AVEN: variants seen among roughly 807,000 people sequenced by gnomAD.
AVEN encodes apoptosis and caspase activation inhibitor.
AVEN carries 41 observed loss-of-function variants against 38.1 expected under a neutral mutation model. That is an observed-to-expected ratio of 1.08 (90% CI 0.84 to 1.40). The LOEUF is 1.40. Among genes scored for constraint, AVEN ranks in the 40% most tolerant of loss-of-function variants. The pLI is 0.00. For synonymous variants in AVEN, 206 were observed against 171.8 expected, an observed-to-expected ratio of 1.20 and a Z score of -1.56; for missense variants, 605 against 438.8, an observed-to-expected ratio of 1.38 and a Z score of -3.38.
At chr15:33,934,449 A>C (rs1449019508) in intron 2 of AVEN, among the ~76,000 whole-genome samples, 1 of 152,256 alleles carries the variant, frequency 6.6e-6, no homozygotes, top group Admixed American at 6.5e-5. Flanking sequence ...GAGGGGAAAT[A>C]TCACACAAAG....
At chr15:33,864,812 G>C (rs1009408306), downstream of AVEN, 1 of 264,096 alleles carries the variant, frequency 3.8e-6, no homozygotes, top group East Asian at 7.4e-5. Context: ...GCATTCCTCC[G>C]TCTTCCACCA....
chr15:33,996,541 G>T (rs186546645), intron 2 of AVEN, among the ~76,000 whole-genome samples: 2 of 152,190 alleles, frequency 1.3e-5, no homozygotes, highest in African/African-American at 2.4e-5. Flanking sequence ...TGCAGCCTCC[G>T]CTGGTGATAC....
downstream of AVEN, chr15:33,854,431 A>G (rs1323020118): frequency 6.3e-6 from 10 of 1,575,298 alleles, no homozygotes; most frequent in Non-Finnish European, 8.6e-6. Context: ...GGAAGCTTGG[A>G]GTTGTTTTTA....
rs565163870 is a variant in AVEN, at chr15:33,944,728, G to C, written c.445+58304C>G. ...GGAGGCTGAGGCAGGAGAATGGCATGAACTCGGGAGGCGGAACTTGCAGTG... is the reference window on the plus strand; with the variant it reads ...GGAGGCTGAGGCAGGAGAATGGCATCAACTCGGGAGGCGGAACTTGCAGTG... On this transcript the variant is annotated intron_variant, in intron 2 of 5. Transcript: ENST00000306730. Among the ~76,000 whole-genome samples, 16 of 151,966 alleles carry C rather than the reference G, an allele frequency of 1.1e-4. 2 individuals carry two copies. The South Asian group carries it at 3.3e-3, about 32-fold the overall frequency.
At chr15:33,867,973 G>C (rs1890750144) in intron 4 of AVEN, 118 bp from the exon 5 acceptor site, 1 of 1,365,702 alleles carries the variant, frequency 7.3e-7, no homozygotes, top group Admixed American at 2.6e-5. Flanking sequence ...ACTCAATTCA[G>C]ATAGTTCACA....
At chr15:34,037,651 CACGAGGTAAA>C (rs1899209878) in intron 1 of AVEN, among the ~76,000 whole-genome samples, 1 of 151,212 alleles carries the variant, frequency 6.6e-6, no homozygotes, top group Admixed American at 6.6e-5. Context: ...TGTCAGTTTA[CACGAGGTAAA>C]CTGACCCTAA....
chr15:33,911,391 GC>G (rs1234328121), intron 2 of AVEN, among the ~76,000 whole-genome samples: 1 of 152,066 alleles, frequency 6.6e-6, no homozygotes, highest in Non-Finnish European at 1.5e-5. Context: ...TTTGTTCCCT[GC>G]CCCCCTCCTT....
intron 2 of AVEN, among the ~76,000 whole-genome samples, chr15:33,882,952 C>T (rs1342370050): frequency 1.3e-5 from 2 of 152,168 alleles, no homozygotes; most frequent in Non-Finnish European, 2.9e-5. Flanking sequence ...CAATCTTACA[C>T]ATGCTTCTGA....
chr15:34,068,636 T>C, intron 2 of AVEN, among the ~76,000 whole-genome samples: 1 of 152,324 alleles, frequency 6.6e-6, no homozygotes, highest in East Asian at 1.9e-4. Context: ...ATTTTACTAG[T>C]TTTTCTATTT....
chr15:34,006,412 T>C (rs930731426), intron 1 of AVEN, among the ~76,000 whole-genome samples: 3 of 152,202 alleles, frequency 2.0e-5, no homozygotes, highest in African/African-American at 4.8e-5. Flanking sequence ...AATATTCTTT[T>C]GTTGGCCCAT....
At chr15:34,026,200 A>G (rs1374324246) in intron 1 of AVEN, among the ~76,000 whole-genome samples, 3 of 152,134 alleles carry the variant, frequency 2.0e-5, no homozygotes, top group Admixed American at 6.5e-5. Context: ...TTTTTACTTA[A>G]AAGTCTTATG....
intron 2 of AVEN, among the ~76,000 whole-genome samples, chr15:33,992,521 T>G (rs573381482): frequency 1.7e-4 from 26 of 152,392 alleles, no homozygotes; most frequent in Non-Finnish European, 3.1e-4. Flanking sequence ...TTTTTAGCCC[T>G]GTCAGCCAGA....
chr15:33,863,541 A>G (rs1048547186), downstream of AVEN, among the ~76,000 whole-genome samples: 2 of 152,182 alleles, frequency 1.3e-5, no homozygotes, highest in African/African-American at 4.8e-5. Context: ...ATGTGAGCTG[A>G]GAGTTCAGCC....
At chr15:34,074,840 T>C (rs1900698808) in exon 1 of AVEN, among the ~76,000 whole-genome samples, 2 of 152,174 alleles carry the variant, frequency 1.3e-5, no homozygotes, top group African/African-American at 2.4e-5. Flanking sequence ...ACACTTTCCT[T>C]TTTTATAGTT....
At chr15:34,017,200 C>T (rs1021216817) in intron 1 of AVEN, among the ~76,000 whole-genome samples, 1 of 152,014 alleles carries the variant, frequency 6.6e-6, no homozygotes, top group African/African-American at 2.4e-5. Context: ...GTCTCAAATC[C>T]ACCCACTCTG....
At chr15:34,073,989 C>CTTTTTTTTTTTTTTTTTTTTTTTT (rs5811818) in intron 1 of AVEN, among the ~76,000 whole-genome samples, 5 of 31,500 alleles carry the variant, frequency 1.6e-4, no homozygotes, top group Non-Finnish European at 3.0e-4. Context: ...TCTTCTTCTT[C>CTTTTTTTTTTTTTTTTTTTTTTTT]TTTTTTTTTT....
chr15:33,853,358 C>T, the AVEN span, among the ~76,000 whole-genome samples: 2 of 152,144 alleles, frequency 1.3e-5, no homozygotes, highest in African/African-American at 2.4e-5. Context: ...TCAGTATCAG[C>T]TTAAAAAACA....
chr15:33,950,831 C>A (rs1894712406), intron 2 of AVEN, among the ~76,000 whole-genome samples: 1 of 152,146 alleles, frequency 6.6e-6, no homozygotes, highest in South Asian at 2.1e-4. Flanking sequence ...CATAATGAGA[C>A]CCTGCCTCTA....
At chr15:33,998,425 C>T (rs1289397752) in intron 2 of AVEN, among the ~76,000 whole-genome samples, 1 of 152,058 alleles carries the variant, frequency 6.6e-6, no homozygotes, top group African/African-American at 2.4e-5. Context: ...GAATTCGAGA[C>T]CAGCCTAAGC....
Sources: gnomAD v4.1 joint callset for allele counts (sites outside exome capture counted in the v4.1 genomes callset) on GRCh38, gnomAD v4.1.1 for gene constraint, MANE v1.5 for transcripts, NCBI Gene and HGNC (gene_info 2026-07-23, HGNC 2026-07-21) for gene names.